The following PPP1R1C variants were observed in gnomAD, a reference collection of about 807,000 sequenced individuals.
PPP1R1C encodes the protein protein phosphatase 1 regulatory subunit 1C.
A neutral mutation model predicts 17.4 loss-of-function variants in PPP1R1C; 15 were observed. The ratio of observed to expected loss-of-function variants is 0.86; its 90% confidence interval spans 0.58 to 1.33. PPP1R1C has a LOEUF of 1.33. Among genes scored for constraint, PPP1R1C ranks in the 40% most tolerant of loss-of-function variants. The probability of loss-of-function intolerance (pLI) is 0.00; values close to 1 mark genes in which losing one functional copy is unlikely to be tolerated. For synonymous variants in PPP1R1C, 35 were observed against 43.1 expected, an observed-to-expected ratio of 0.81 and a Z score of 0.73; for missense variants, 143 against 130.0, an observed-to-expected ratio of 1.10 and a Z score of -0.48.
At chr2:181,977,171 A>AAAAAAAAAAAAAAT in intron 2 of PPP1R1C, among the ~76,000 whole-genome samples, 1 of 135,150 alleles carries the variant, frequency 7.4e-6, no homozygotes, top group African/African-American at 3.1e-5. Context: ...AAAAAAAAAA[A>AAAAAAAAAAAAAAT]AAGCTAGGCT....
intron 4 of PPP1R1C, among the ~76,000 whole-genome samples, chr2:182,065,247 C>A (rs143028710): frequency 8.1e-4 from 123 of 152,138 alleles, no homozygotes; most frequent in African/African-American, 2.9e-3. Flanking sequence ...CAGGGTATTA[C>A]TACAAGTCAC....
intron 2 of PPP1R1C, among the ~76,000 whole-genome samples, chr2:182,031,884 T>C (rs1686852019): frequency 6.6e-6 from 1 of 152,216 alleles, no homozygotes; most frequent in African/African-American, 2.4e-5. Flanking sequence ...GAAGCATGTA[T>C]GTATGATAAA....
intron 2 of PPP1R1C, among the ~76,000 whole-genome samples, chr2:181,978,485 C>G (rs1192042139): frequency 6.6e-6 from 1 of 152,190 alleles, no homozygotes; most frequent in African/African-American, 2.4e-5. Context: ...AGCTTCTTAA[C>G]TCGCATGGCT....
intron 2 of PPP1R1C, among the ~76,000 whole-genome samples, chr2:182,012,287 T>C (rs983944972): frequency 1.3e-5 from 2 of 152,026 alleles, no homozygotes; most frequent in African/African-American, 4.8e-5. Context: ...GTGTGCTTCA[T>C]GGGTGGGTGC....
chr2:182,079,091 G>C (rs1688398645), intron 4 of PPP1R1C, among the ~76,000 whole-genome samples: 1 of 152,136 alleles, frequency 6.6e-6, no homozygotes, highest in South Asian at 2.1e-4. Flanking sequence ...TGACTCTACA[G>C]AATTGTAGGT....
chr2:181,981,676 T>C (rs1685196333), upstream of PPP1R1C, among the ~76,000 whole-genome samples: 1 of 152,200 alleles, frequency 6.6e-6, no homozygotes, highest in Non-Finnish European at 1.5e-5. Context: ...TTGAATATAA[T>C]TGAGATAATT....
At chr2:181,958,105 A>C (rs528230992) in intron 1 of PPP1R1C, among the ~76,000 whole-genome samples, 2 of 152,340 alleles carry the variant, frequency 1.3e-5, no homozygotes, top group East Asian at 3.9e-4. Context: ...AGAACATTTG[A>C]GCAGGAGATA....
intron 4 of PPP1R1C, among the ~76,000 whole-genome samples, chr2:182,093,972 G>C (rs536355203): frequency 6.6e-6 from 1 of 152,278 alleles, no homozygotes; most frequent in African/African-American, 2.4e-5. Context: ...TCTGGTATCT[G>C]TTTAGCGGTG....
chr2:181,964,492 A>C (rs1410812566), intron 1 of PPP1R1C, among the ~76,000 whole-genome samples: 1 of 152,170 alleles, frequency 6.6e-6, no homozygotes, highest in Non-Finnish European at 1.5e-5. Context: ...AAGCAGTGGA[A>C]TTACTGGATC....
intron 3 of PPP1R1C, 40 bp downstream of exon 3, chr2:182,061,519 CA>C: frequency 7.5e-7 from 1 of 1,338,104 alleles, no homozygotes; most frequent in Non-Finnish European, 9.8e-7. Context: ...GTGTTCAAAT[CA>C]ATTAAAAATG....
intron 1 of PPP1R1C, among the ~76,000 whole-genome samples, chr2:181,965,752 G>T (rs1056694382): frequency 1.3e-5 from 2 of 152,148 alleles, no homozygotes; most frequent in African/African-American, 2.4e-5. Context: ...CTTCAGTTTT[G>T]TTCTTTTTGC....
intron 2 of PPP1R1C, among the ~76,000 whole-genome samples, chr2:182,038,043 T>C: frequency 6.6e-6 from 1 of 152,080 alleles, no homozygotes; most frequent in Non-Finnish European, 1.5e-5. Flanking sequence ...TATTTTATTT[T>C]ATATATATAT....
At chr2:181,971,294 G>T (rs146646846) in intron 1 of PPP1R1C, among the ~76,000 whole-genome samples, 17 of 152,214 alleles carry the variant, frequency 1.1e-4, no homozygotes, top group African/African-American at 3.9e-4. Flanking sequence ...GGCAAATCCT[G>T]CCAGGACTGG....
rs1302029654 is a variant in PPP1R1C at position 181,961,931 on chromosome 2, T to C, written n.111+7297T>C. The C allele has an allele frequency of 1.3e-6, 1 of 742,684 alleles. No homozygotes were observed. Among genetic ancestry groups the C allele is most frequent in the African/African-American group, 1.7e-5 (1 of 58,376 alleles). The allele number at this position is 742,684 out of a possible 1,614,324, so 46.0% of individuals were successfully genotyped here. A position where few individuals can be genotyped will look rare whatever the true frequency, so the allele number is the denominator to read the frequency against. On this transcript the variant is annotated intron_variant and non_coding_transcript_variant, in intron 1 of 5. Coordinates refer to the PPP1R1C transcript ENST00000464264. This position sits in a 1 kb window ranked among gnomAD's most constrained non-coding sequence, Gnocchi z 5.8. ...GTCATCAGTGACCTTGTGGAGCCCA[T>C]GGATGTCACTCCCCACAGACGGGTG...
intron 1 of PPP1R1C, among the ~76,000 whole-genome samples, chr2:181,969,710 C>T (rs1684969842): frequency 6.6e-6 from 1 of 152,196 alleles, no homozygotes; most frequent in Admixed American, 6.5e-5. Context: ...CTGTCTCTCT[C>T]TCTACCTTGC....
At chr2:181,966,500 A>G (rs1949328) in intron 1 of PPP1R1C, among the ~76,000 whole-genome samples, 150,721 of 152,198 alleles carry the variant, frequency 0.99, 74,644 homozygotes, top group Middle Eastern at 1. Context: ...TTTTTTTAGT[A>G]TTTTTTTTCA....
intron 4 of PPP1R1C, among the ~76,000 whole-genome samples, chr2:182,092,631 G>T (rs185349361): frequency 6.6e-6 from 1 of 152,298 alleles, no homozygotes; most frequent in South Asian, 2.1e-4. Context: ...TCTAATGGCG[G>T]TACAGGCATT....
chr2:182,014,212 G>C (rs1331487732), intron 2 of PPP1R1C, among the ~76,000 whole-genome samples: 1 of 152,138 alleles, frequency 6.6e-6, no homozygotes, highest in Non-Finnish European at 1.5e-5. Context: ...AGGGCATTGA[G>C]TGTTGTTATC....
intron 1 of PPP1R1C, 118 bp from the exon 2 acceptor site, chr2:181,987,721 A>C (rs1474187080): frequency 3.2e-6 from 3 of 925,012 alleles, no homozygotes; most frequent in Non-Finnish European, 5.1e-6. Flanking sequence ...TGTGTCCTCC[A>C]GAAATTTGCT....
Sources: gnomAD v4.1 joint callset for allele counts (sites outside exome capture counted in the v4.1 genomes callset) on GRCh38, gnomAD v4.1.1 for gene constraint, Gnocchi (gnomAD v3.1) non-coding constraint, MANE v1.5 for transcripts, NCBI Gene and HGNC (gene_info 2026-07-23, HGNC 2026-07-21) for gene names.